Variants in CNOT3 observed in about 807,000 individuals in gnomAD.
CNOT3 encodes the protein CCR4-associated factor 3.
In CNOT3, 2 loss-of-function variants were observed where a neutral mutation model predicts 89.4. The ratio of observed to expected loss-of-function variants is 0.02; its 90% CI spans 0.01 to 0.07. CNOT3 has a LOEUF of 0.07. Among genes scored for constraint, CNOT3 ranks in the 10% least tolerant of loss-of-function variants. CNOT3 has a pLI of 1.00. For synonymous variants in CNOT3, 486 were observed against 402.0 expected (o/e 1.21, Z -2.50); for missense variants, 664 against 1,010.2 (o/e 0.66, Z 4.65).
chr19:54,141,271 C>T (rs2074438141), intron 1 of CNOT3: 2 of 152,222 alleles, frequency 1.3e-5, no homozygotes, highest in African/African-American at 4.8e-5. Flanking sequence ...TGATAGCTGA[C>T]CTGGGCGGGG....
rs778684787 is a variant in CNOT3 at position 54,145,924 on chromosome 19, G to A, written c.718G>A (p.Ala240Thr). The A allele has an allele frequency of 1.7e-5, 28 of 1,613,240 alleles. No individual in the cohort carries two copies. The highest frequency in any genetic ancestry group is 1.2e-4 in the Admixed American group (7 of 59,984). ...DLEDIPQALV[A>T]TSPPSHSHME... The stretch of plus-strand genomic sequence containing the variant: ...TGCCCCCACAGCACAGGCGCTGGTC[G>A]CCACCTCCCCCCCCAGCCACAGCCA... Residue 240 changes from alanine to threonine, a missense_variant, in exon 9 of 18, where the codon GCC becomes ACC. By Grantham distance (58) the Ala-to-Thr change is moderately conservative (BLOSUM62 0). Around this residue, in one of 8 missense-constraint regions of CNOT3, gnomAD observed 25 missense variants for 69.0 expected, o/e 0.36. Coordinates refer to ENST00000221232, the MANE Select transcript of CNOT3 (RefSeq NM_014516.4). The surrounding 1 kb of genome is among the most constrained non-coding windows in gnomAD (Gnocchi z 5.9).
Position 54,148,214 on chromosome 19 carries a change from C to A in CNOT3, c.961C>A (p.Pro321Thr). 6.3e-7 allele frequency: 1 copy of A among 1,593,410 alleles called. No individual in the cohort carries two copies. Among genetic ancestry groups the A allele is most frequent in the South Asian group, 1.1e-5 (1 of 88,192 alleles). The change falls in exon 11 of 18, where the codon CCC (proline) becomes ACC (threonine). Residue 321 changes from proline to threonine, a missense_variant. Physicochemically the swap from Pro to Thr is conservative, Grantham distance 38. This residue lies in a region of CNOT3 where 545 missense variants were observed against 566.2 expected (regional missense o/e 0.96). Coordinates refer to ENST00000221232, the MANE Select transcript of CNOT3 (RefSeq NM_014516.4). This position sits in a 1 kb window ranked among gnomAD's most constrained non-coding sequence, Gnocchi z 6.3. ...NQHPQSPAVP[P>T]TYPSGPPPAA... is the part of the protein sequence containing the mutation. ...GCACCCTCAGTCCCCAGCTGTGCCGCCCACCTACCCCTCCGGCCCCCCGCC... is the reference window on the plus strand; with the variant it reads ...GCACCCTCAGTCCCCAGCTGTGCCGACCACCTACCCCTCCGGCCCCCCGCC...
intron 9 of CNOT3, 55 bp from the exon 10 acceptor site, chr19:54,146,546 C>T: frequency 4.6e-6 from 4 of 878,352 alleles, no homozygotes; most frequent in Non-Finnish European, 7.9e-6. Context: ...ATTGGCGGTT[C>T]TCCATCAGAG....
chr19:54,152,052 G>A (rs367731346), intron 13 of CNOT3, among the ~76,000 whole-genome samples, 174 bp from the exon 14 acceptor site: 12 of 152,280 alleles, frequency 7.9e-5, no homozygotes, highest in South Asian at 2.1e-4. Flanking sequence ...CGTGGTCTCC[G>A]ATTGTTTCCC....
chr19:54,144,186 G>T lies in CNOT3; in HGVS notation c.388-51G>T. The stretch of plus-strand genomic sequence containing the variant: ...GAACTCTGAGGATCCTGAGCCCTGG[G>T]TGTAGGCGGAACCCTAGCTGATGGG... On this transcript the variant is annotated intron_variant, in intron 6 of 17. Transcript: ENST00000221232. This position sits in a 1 kb window ranked among gnomAD's most constrained non-coding sequence, Gnocchi z 4.8. The T allele has an allele frequency of 5.0e-6, 8 of 1,612,926 alleles. No homozygotes were observed. Among genetic ancestry groups the T allele is most frequent in the Non-Finnish European group, 6.8e-6 (8 of 1,179,230 alleles).
rs62144174 is a variant in CNOT3, at chr19:54,142,874, G to A, written c.-50-55G>A. Reference sequence around the variant, plus strand: ...CTATGCTGACTAGGTCCATGTCTCTGGGTTTTTACCAGCCAGGGAATACGT... The same window carrying A: ...CTATGCTGACTAGGTCCATGTCTCTAGGTTTTTACCAGCCAGGGAATACGT... On this transcript the variant is annotated intron_variant, in intron 1 of 17. Coordinates refer to ENST00000221232, the MANE Select transcript of CNOT3 (RefSeq NM_014516.4). 9 of 1,169,082 alleles carry A rather than the reference G, an allele frequency of 7.7e-6. No individual in the cohort carries two copies. In the African/African-American group the frequency reaches 1.4e-4, roughly 18 times the overall value. 72.4% of individuals were successfully genotyped at this position (1,169,082 alleles called of 1,614,324 possible). A position where few individuals can be genotyped will look rare whatever the true frequency, so the allele number is the denominator to read the frequency against.
In CNOT3 at chr19:54,143,344, G is replaced by C. The variant is rs587634985; in HGVS notation, c.94-98G>C. 9.6e-6 allele frequency: 13 copies of C among 1,347,750 alleles called. 1 individual carries two copies. The highest frequency in any genetic ancestry group is 7.0e-5 in the South Asian group (6 of 85,400). The allele number at this position is 1,347,750 out of a possible 1,614,324, so 83.5% of individuals were successfully genotyped here. On this transcript the variant is annotated intron_variant, in intron 3 of 17. Coordinates refer to ENST00000221232, the MANE Select transcript of CNOT3 (RefSeq NM_014516.4). The stretch of plus-strand genomic sequence containing the variant: ...TAAGATGGATTGGGGGTAGGGGTTG[G>C]GGGGGGTCCTCGAGTCCCTAGCATA...
intron 16 of CNOT3, 196 bp from the exon 17 acceptor site, chr19:54,153,519 C>G (rs749116593): frequency 3.1e-5 from 24 of 778,468 alleles, no homozygotes; most frequent in Non-Finnish European, 5.3e-5. Context: ...CAATTTTCAC[C>G]TCCTGTCTCA....
At chr19:54,149,844 C>A in intron 13 of CNOT3, 86 bp downstream of exon 13, 2 of 1,271,238 alleles carry the variant, frequency 1.6e-6, no homozygotes, top group Non-Finnish European at 2.1e-6. Flanking sequence ...CCCTTGCCCC[C>A]ACCCTCTTTC....
At chr19:54,154,438 G>C (rs529718812) in intron 17 of CNOT3, 1 of 216,948 alleles carries the variant, frequency 4.6e-6, no homozygotes, top group African/African-American at 2.2e-5. Context: ...ATGGGGGGAA[G>C]ACCACCTACC....
chr19:54,148,251 C>A lies in CNOT3; in HGVS notation c.998C>A (p.Ala333Asp). 1 of 1,605,472 alleles carries A rather than the reference C, an allele frequency of 6.2e-7. No homozygotes were observed. Among genetic ancestry groups the A allele is most frequent in the Non-Finnish European group, 8.5e-7 (1 of 1,175,660 alleles). ...TCCGGCCCCCCGCCTGCTGCCTCTG[C>A]CTTGAGCACCACTCCTGGCAACAAT... ...YPSGPPPAAS[A>D]LSTTPGNNGV... Residue 333 changes from alanine to aspartate, a missense_variant, in exon 11 of 18, where the codon GCC becomes GAC. Around this residue, in one of 8 missense-constraint regions of CNOT3, gnomAD observed 545 missense variants for 566.2 expected, o/e 0.96. Transcript: ENST00000221232. The surrounding 1 kb of genome is among the most constrained non-coding windows in gnomAD (Gnocchi z 6.3).
At chr19:54,155,133 C>T (rs1182090250) in intron 17 of CNOT3, 176 bp from the exon 18 acceptor site, 2 of 665,382 alleles carry the variant, frequency 3.0e-6, no homozygotes, top group Non-Finnish European at 4.9e-6. Context: ...GGCATGATAA[C>T]ATTTCCTACC....
intron 17 of CNOT3, chr19:54,154,435 G>C (rs1395785805): frequency 9.3e-6 from 2 of 216,020 alleles, no homozygotes; most frequent in Non-Finnish European, 1.9e-5. Context: ...AAAATGGGGG[G>C]AAGACCACCT....
intron 17 of CNOT3, chr19:54,154,160 A>G (rs2075296455): frequency 5.5e-6 from 3 of 549,644 alleles, no homozygotes; most frequent in African/African-American, 3.7e-5. Context: ...GGATTTTCCC[A>G]GTATGTGTCC....
In CNOT3 at chr19:54,143,342, TG is replaced by T. The variant is rs34281370; in HGVS notation, c.94-92del. On this transcript the variant is annotated intron_variant, in intron 3 of 17. Coordinates refer to ENST00000221232, the MANE Select transcript of CNOT3 (RefSeq NM_014516.4). ...TCTAAGATGGATTGGGGGTAGGGGT[TG>T]GGGGGGGTCCTCGAGTCCCTAGCAT... 1.7e-4 allele frequency: 162 copies of T among 947,500 alleles called. 1 individual carries two copies. Among genetic ancestry groups the T allele is most frequent in the Admixed American group, 3.9e-4 (21 of 53,606 alleles). The allele number at this position is 947,500 out of a possible 1,614,324, so 58.7% of individuals were successfully genotyped here.
Position 54,144,819 on chromosome 19 carries a change from G to A in CNOT3, c.483+487G>A, listed in dbSNP as rs587772639. Among the ~76,000 whole-genome samples, 3 of 152,240 alleles carry A rather than the reference G, an allele frequency of 2.0e-5. No individual in the cohort carries two copies. The highest frequency in any genetic ancestry group is 3.4e-3 in the Middle Eastern group (1 of 294). On this transcript the variant is annotated intron_variant, in intron 7 of 17. Coordinates refer to ENST00000221232, the MANE Select transcript of CNOT3 (RefSeq NM_014516.4). The surrounding 1 kb of genome is among the most constrained non-coding windows in gnomAD (Gnocchi z 4.8). The stretch of plus-strand genomic sequence containing the variant: ...TTGGGGTCCCAGGTTCTAAAATCCG[G>A]GATTGTGGGGTATGAGTTCAAAGGG...
At position 54,148,404 on chromosome 19, in the gene CNOT3, G is replaced by A. The variant is rs1383177429; in HGVS notation, c.1151G>A (p.Ser384Asn). Residue 384 changes from serine to asparagine, a missense_variant, in exon 11 of 18, where the codon AGC becomes AAC. This residue lies in a region of CNOT3 where 545 missense variants were observed against 566.2 expected (regional missense o/e 0.96). Transcript: ENST00000221232. This position sits in a 1 kb window ranked among gnomAD's most constrained non-coding sequence, Gnocchi z 6.3. ...AVAPPAPSGP[S>N]TTQPRPPSVQ... ...GCCCCACCAGCTCCCAGTGGGCCCA[G>A]CACGACCCAGCCCCGGCCCCCCAGC... The A allele has an allele frequency of 1.3e-6, 2 of 1,564,846 alleles. No individual in the cohort carries two copies. The highest frequency in any genetic ancestry group is 1.8e-5 in the Admixed American group (1 of 54,950).
intron 1 of CNOT3, among the ~76,000 whole-genome samples, chr19:54,138,438 C>T (rs964378337): frequency 5.3e-5 from 8 of 152,090 alleles, no homozygotes; most frequent in African/African-American, 1.7e-4. Flanking sequence ...TGCCTGCCCC[C>T]CTCGGCCTCG....
chr19:54,152,210 C>G lies in CNOT3; in HGVS notation c.1606-16C>G. The G allele has an allele frequency of 6.2e-7, 1 of 1,613,804 alleles. No homozygotes were observed. Among genetic ancestry groups the G allele is most frequent in the Non-Finnish European group, 8.5e-7 (1 of 1,179,866 alleles). The stretch of plus-strand genomic sequence containing the variant: ...CAGCCCAAGTGCTCAGGCCAGGCCT[C>G]TTGTTTCCTCCCCAGGCCCCTGAGC... On this transcript the variant is annotated splice_polypyrimidine_tract_variant and intron_variant, in intron 13 of 17. Coordinates refer to ENST00000221232, the MANE Select transcript of CNOT3 (RefSeq NM_014516.4).
Sources: gnomAD v4.1 joint callset for allele counts (sites outside exome capture counted in the v4.1 genomes callset) on GRCh38, gnomAD v4.1.1 for gene constraint, gnomAD v4.1.1 regional missense constraint, Gnocchi (gnomAD v3.1) non-coding constraint, MANE v1.5 for transcripts, NCBI Gene and HGNC (gene_info 2026-07-23, HGNC 2026-07-21) for gene names.